The following IQCJ variants were observed in gnomAD, a reference collection of about 807,000 sequenced individuals.
IQCJ encodes the protein IQ domain-containing protein J.
In IQCJ, 9 loss-of-function variants were observed where a neutral mutation model predicts 11.0. That is an observed-to-expected ratio of 0.82 (90% CI 0.49 to 1.43). The LOEUF is 1.43. Ranked by LOEUF, IQCJ falls within the 40% of genes most tolerant of loss-of-function variation. IQCJ has a pLI of 0.00. For synonymous variants in IQCJ, 55 were observed against 51.3 expected (o/e 1.07, Z -0.31); for missense variants, 146 against 133.2 (o/e 1.10, Z -0.47).
intron 1 of IQCJ, among the ~76,000 whole-genome samples, chr3:159,227,411 C>T (rs1035475096): frequency 6.6e-6 from 1 of 151,946 alleles, no homozygotes; most frequent in African/African-American, 2.4e-5. Flanking sequence ...TATTTTGTAT[C>T]GGGGATGGTG....
intron 1 of IQCJ, among the ~76,000 whole-genome samples, chr3:159,121,860 A>C (rs1405828273): frequency 6.6e-6 from 1 of 152,208 alleles, no homozygotes; most frequent in East Asian, 1.9e-4. Context: ...CCCTGCAAAA[A>C]TCTGGTTCTT....
chr3:159,214,280 A>G (rs1725103751), intron 1 of IQCJ, among the ~76,000 whole-genome samples: 1 of 152,140 alleles, frequency 6.6e-6, no homozygotes, highest in African/African-American at 2.4e-5. Context: ...ATTATTATAG[A>G]CAACTCTCCC....
chr3:159,170,274 T>C (rs1424167523), intron 1 of IQCJ, among the ~76,000 whole-genome samples: 1 of 152,106 alleles, frequency 6.6e-6, no homozygotes, highest in African/African-American at 2.4e-5. Context: ...AGTATTTTTT[T>C]TCAAGATTAT....
intron 1 of IQCJ, among the ~76,000 whole-genome samples, chr3:159,191,086 A>G (rs2108040046): frequency 6.6e-6 from 1 of 152,266 alleles, no homozygotes; most frequent in South Asian, 2.1e-4. Context: ...CAGCAATTGG[A>G]GTGGGGAAAA....
intron 1 of IQCJ, among the ~76,000 whole-genome samples, chr3:159,075,637 T>TA (rs373472075): frequency 1.6e-3 from 240 of 151,974 alleles, no homozygotes; most frequent in African/African-American, 5.6e-3. Flanking sequence ...CTGATTTCAT[T>TA]AAAAAAAATG....
chr3:159,081,744 A>T (rs1716327234), intron 1 of IQCJ, among the ~76,000 whole-genome samples: 1 of 148,944 alleles, frequency 6.7e-6, no homozygotes, highest in African/African-American at 2.4e-5. Flanking sequence ...ATGTGGGGAA[A>T]GTATGATTTT....
At chr3:159,134,838 T>TGACA (rs1720197348) in intron 1 of IQCJ, among the ~76,000 whole-genome samples, 1 of 152,198 alleles carries the variant, frequency 6.6e-6, no homozygotes, top group African/African-American at 2.4e-5. Context: ...GGGTGAATAA[T>TGACA]TACCTTATTT....
chr3:159,201,509 C>CTGTG (rs749165762), intron 1 of IQCJ, among the ~76,000 whole-genome samples: 1 of 112,214 alleles, frequency 8.9e-6, no homozygotes, highest in Non-Finnish European at 2.0e-5. Flanking sequence ...CTTTGTGTAT[C>CTGTG]TCTGTGTGTG....
intron 2 of IQCJ, among the ~76,000 whole-genome samples, 173 bp downstream of exon 2, chr3:159,246,080 T>C (rs1727254444): frequency 6.6e-6 from 1 of 152,212 alleles, no homozygotes; most frequent in South Asian, 2.1e-4. Context: ...GTATGACTAG[T>C]TGAGCAATGA....
intron 1 of IQCJ, among the ~76,000 whole-genome samples, chr3:159,178,484 A>G (rs546443872): frequency 1.3e-5 from 2 of 152,322 alleles, no homozygotes; most frequent in African/African-American, 4.8e-5. Flanking sequence ...GTATAGGTGA[A>G]TATTCAGACA....
At chr3:159,260,027 G>A (rs148154767) in intron 3 of IQCJ, among the ~76,000 whole-genome samples, 255 of 152,240 alleles carry the variant, frequency 1.7e-3, no homozygotes, top group African/African-American at 6.0e-3. Context: ...TATTTTAAAA[G>A]TACTTAATAT....
At chr3:159,180,474 G>T (rs1723032561) in intron 1 of IQCJ, among the ~76,000 whole-genome samples, 1 of 152,056 alleles carries the variant, frequency 6.6e-6, no homozygotes, top group Non-Finnish European at 1.5e-5. Flanking sequence ...TGATTCAGCA[G>T]AAAGTGTATA....
At chr3:159,141,949 C>T (rs1297641765) in intron 1 of IQCJ, among the ~76,000 whole-genome samples, 1 of 152,108 alleles carries the variant, frequency 6.6e-6, no homozygotes, top group African/African-American at 2.4e-5. Flanking sequence ...CCAGTTGTAC[C>T]TTTTTGTTGT....
intron 1 of IQCJ, among the ~76,000 whole-genome samples, chr3:159,120,683 G>C (rs540827400): frequency 5.8e-4 from 89 of 152,322 alleles, no homozygotes; most frequent in African/African-American, 2.0e-3. Flanking sequence ...GTGGCATTTA[G>C]AGAGGTGGGT....
At chr3:159,231,319 T>C (rs1726233966) in intron 1 of IQCJ, among the ~76,000 whole-genome samples, 1 of 152,174 alleles carries the variant, frequency 6.6e-6, no homozygotes, top group Non-Finnish European at 1.5e-5. Flanking sequence ...AGTAGAAATC[T>C]TTATATATGT....
chr3:159,264,181 T>C (rs1577126554), downstream of IQCJ, among the ~76,000 whole-genome samples: 1 of 152,344 alleles, frequency 6.6e-6, no homozygotes, highest in South Asian at 2.1e-4. Context: ...TCACGACAAT[T>C]CTCAATTGCT....
At chr3:159,178,770 G>A (rs760266453) in intron 1 of IQCJ, among the ~76,000 whole-genome samples, 15 of 152,222 alleles carry the variant, frequency 9.9e-5, no homozygotes, top group Admixed American at 5.2e-4. Flanking sequence ...CAGGGGAAGT[G>A]TTATTATCTC....
intron 1 of IQCJ, among the ~76,000 whole-genome samples, chr3:159,122,192 A>T (rs1422599965): frequency 6.6e-6 from 1 of 152,178 alleles, no homozygotes; most frequent in Non-Finnish European, 1.5e-5. Flanking sequence ...TCCATTCATG[A>T]GGGCTCCATT....
intron 1 of IQCJ, among the ~76,000 whole-genome samples, chr3:159,087,123 A>T (rs1214974960): frequency 6.6e-6 from 1 of 152,184 alleles, no homozygotes; most frequent in African/African-American, 2.4e-5. Context: ...AGTTTTTAGC[A>T]TGAAGGGTTG....
Sources: allele counts gnomAD v4.1 joint callset (sites outside exome capture counted in the v4.1 genomes callset), GRCh38; gene constraint gnomAD v4.1.1; transcripts MANE v1.5; gene names NCBI Gene and HGNC (gene_info 2026-07-23, HGNC 2026-07-21).